EBF1: variants seen among roughly 807,000 people sequenced by gnomAD.
EBF1 encodes transcription factor COE1.
A neutral mutation model predicts 68.4 loss-of-function variants in EBF1; 10 were observed. That is an observed-to-expected ratio of 0.15 (90% CI 0.09 to 0.25). The LOEUF is 0.25. Among genes scored for constraint, EBF1 ranks in the 10% least tolerant of loss-of-function variants. The pLI, the probability that EBF1 is intolerant of heterozygous loss-of-function variation, is 1.00. For synonymous variants in EBF1, 298 were observed against 299.8 expected (o/e 0.99, Z 0.06); for missense variants, 509 against 794.4 (o/e 0.64, Z 4.32).
At chr5:158,715,763 G>A (rs1006780336) in intron 11 of EBF1, among the ~76,000 whole-genome samples, 6 of 151,990 alleles carry the variant, frequency 3.9e-5, no homozygotes, top group Non-Finnish European at 5.9e-5. Flanking sequence ...ACTATTGTAC[G>A]GGCACACTAA....
intron 15 of EBF1, among the ~76,000 whole-genome samples, chr5:158,700,340 A>G (rs1756457573): frequency 6.6e-6 from 1 of 152,254 alleles, no homozygotes; most frequent in African/African-American, 2.4e-5. Context: ...ATTACAAGCA[A>G]GGGGCAGCCG....
intron 9 of EBF1, 88 bp downstream of exon 9, chr5:158,796,257 A>G: frequency 7.3e-7 from 1 of 1,365,228 alleles, no homozygotes; most frequent in Non-Finnish European, 9.6e-7. Context: ...GCACCACTAG[A>G]GTCTACACAT....
At chr5:158,935,263 A>G (rs916889335) in intron 6 of EBF1, among the ~76,000 whole-genome samples, 3 of 152,208 alleles carry the variant, frequency 2.0e-5, no homozygotes, top group African/African-American at 7.2e-5. Context: ...GCAGCCAGTC[A>G]GAGGCTGTGT....
chr5:159,087,815 C>T (rs1780983211), intron 4 of EBF1, among the ~76,000 whole-genome samples: 1 of 152,136 alleles, frequency 6.6e-6, no homozygotes, highest in African/African-American at 2.4e-5. Context: ...AGAGTCAAAA[C>T]AGAATCTTTC....
At chr5:158,716,277 G>A (rs1165074374) in intron 11 of EBF1, among the ~76,000 whole-genome samples, 2 of 151,110 alleles carry the variant, frequency 1.3e-5, no homozygotes, top group Admixed American at 6.6e-5. Context: ...TCCTTATGTC[G>A]ATATCCAGAG....
At position 158,823,209 on chromosome 5, in the gene EBF1, G is replaced by C; in HGVS notation, c.745C>G (p.Pro249Ala). ...AGATAAGAGGGCGTACCTTCCGAGG[G>C]GTCAAGCCTCCGAGCCCTCCGCCCA... ...KHGRRARRLD[P>A]SEGTPSYLEH... Residue 249 changes from proline to alanine, a missense_variant, in exon 8 of 16, where the codon CCC (proline) becomes GCC (alanine). Around this residue, in one of 3 missense-constraint regions of EBF1, gnomAD observed 230 missense variants for 467.7 expected, o/e 0.49. Transcript: ENST00000313708. 1.9e-6 allele frequency: 3 copies of C among 1,613,938 alleles called. No individual in the cohort carries two copies. The highest frequency in any genetic ancestry group is 2.5e-6 in the Non-Finnish European group (3 of 1,179,924).
At chr5:158,796,902 T>C (rs923203735) in intron 8 of EBF1, among the ~76,000 whole-genome samples, 4 of 152,146 alleles carry the variant, frequency 2.6e-5, no homozygotes, top group African/African-American at 7.2e-5. Flanking sequence ...TACCATCCAA[T>C]AGGAAACTAA....
intron 7 of EBF1, among the ~76,000 whole-genome samples, chr5:158,829,237 TG>T (rs1291094745): frequency 6.6e-6 from 1 of 152,172 alleles, no homozygotes; most frequent in African/African-American, 2.4e-5. Context: ...AGGGCAGTGG[TG>T]TGATCTCAGC....
chr5:158,795,988 T>G (rs77325163), intron 9 of EBF1, among the ~76,000 whole-genome samples: 3,796 of 152,258 alleles, frequency 0.025, 67 homozygotes, highest in Non-Finnish European at 0.041. Flanking sequence ...TAGTCACAGA[T>G]TACACCCTTG....
At chr5:159,062,293 A>G (rs955658628) in intron 6 of EBF1, among the ~76,000 whole-genome samples, 2 of 152,332 alleles carry the variant, frequency 1.3e-5, no homozygotes, top group East Asian at 3.9e-4. Flanking sequence ...CCCAGCTCGC[A>G]GGTCAGAGAG....
intron 15 of EBF1, among the ~76,000 whole-genome samples, chr5:158,702,743 CAAAAAAAAAAAAAAAA>C (rs58496050): frequency 4.8e-5 from 2 of 41,616 alleles, no homozygotes; most frequent in African/African-American, 2.1e-4. Flanking sequence ...GACTCCTTCT[CAAAAAAAAAAAAAAAA>C]AAAAAAAAAA....
chr5:158,747,574 A>C (rs999877139), intron 10 of EBF1, among the ~76,000 whole-genome samples: 3 of 152,188 alleles, frequency 2.0e-5, no homozygotes, highest in African/African-American at 7.2e-5. Flanking sequence ...GGAAGACAAC[A>C]AATGTTCCCA....
intron 6 of EBF1, among the ~76,000 whole-genome samples, chr5:159,064,540 G>A (rs771481396): frequency 2.0e-5 from 3 of 152,094 alleles, no homozygotes; most frequent in Non-Finnish European, 2.9e-5. Context: ...GCTCTAAAAC[G>A]CTGGAAGTGC....
chr5:158,980,414 C>G (rs1280785367), intron 6 of EBF1, among the ~76,000 whole-genome samples: 1 of 152,222 alleles, frequency 6.6e-6, no homozygotes, highest in Non-Finnish European at 1.5e-5. Flanking sequence ...GCTTCCACCA[C>G]GTGATCGCAA....
intron 6 of EBF1, among the ~76,000 whole-genome samples, chr5:159,018,588 G>T (rs1766065719): frequency 6.6e-6 from 1 of 152,160 alleles, no homozygotes; most frequent in African/African-American, 2.4e-5. Context: ...AAGGATAATT[G>T]CATGCACAGT....
chr5:158,861,208 TA>T (rs1794906201), intron 6 of EBF1, among the ~76,000 whole-genome samples: 1 of 151,710 alleles, frequency 6.6e-6, no homozygotes, highest in Non-Finnish European at 1.5e-5. Context: ...TAAAAAAAAA[TA>T]AAGGAACTGG....
chr5:159,005,185 T>C (rs1217205704), intron 6 of EBF1, among the ~76,000 whole-genome samples: 2 of 152,272 alleles, frequency 1.3e-5, no homozygotes, highest in East Asian at 3.9e-4. Flanking sequence ...CTTAATCAAA[T>C]CTCAAAAGTG....
At chr5:158,796,247 G>T in intron 9 of EBF1, 98 bp downstream of exon 9, 1 of 1,261,922 alleles carries the variant, frequency 7.9e-7, no homozygotes, top group Non-Finnish European at 1.0e-6. Context: ...ACCCAGAGCG[G>T]CACCACTAGA....
intron 10 of EBF1, among the ~76,000 whole-genome samples, chr5:158,762,787 G>T (rs572132097): frequency 6.6e-6 from 1 of 151,998 alleles, no homozygotes; most frequent in Non-Finnish European, 1.5e-5. Flanking sequence ...CGCCTGCCTC[G>T]GCCTCCCAAA....
Sources: allele counts gnomAD v4.1 joint callset (sites outside exome capture counted in the v4.1 genomes callset), GRCh38; gene constraint gnomAD v4.1.1; regional missense constraint gnomAD v4.1.1; transcripts MANE v1.5; gene names NCBI Gene and HGNC (gene_info 2026-07-23, HGNC 2026-07-21).